The following ADAMTSL1 variants were observed in gnomAD, a reference collection of about 807,000 sequenced individuals.
ADAMTSL1 encodes ADAMTS like 1.
A neutral mutation model predicts 201.8 loss-of-function variants in ADAMTSL1; 126 were observed. The observed-to-expected ratio is 0.62, with a 90% CI of 0.54 to 0.72. The LOEUF (loss-of-function observed/expected upper bound fraction) is 0.72. Ranked by LOEUF, ADAMTSL1 falls within the 30% of genes least tolerant of loss-of-function variation. The pLI is 0.00. For synonymous variants in ADAMTSL1, 1,121 were observed against 903.4 expected (o/e 1.24, Z -4.32); for missense variants, 2,679 against 2,277.8 (o/e 1.18, Z -3.59).
intron 23 of ADAMTSL1, among the ~76,000 whole-genome samples, chr9:18,882,145 T>A (rs918556457): frequency 1.3e-5 from 2 of 152,218 alleles, no homozygotes; most frequent in African/African-American, 2.4e-5. Context: ...CACTCCTTTT[T>A]CTGCCTAAAT....
At position 18,574,057 on chromosome 9, in the gene ADAMTSL1, C is replaced by T. The variant is rs1822531304; in HGVS notation, c.265C>T (p.Arg89Ter). The change falls in exon 4 of 29, where the codon CGA (arginine) becomes TGA (stop). Residue 89 changes from arginine (R) to a stop codon, truncating the protein, a stop_gained. Transcript: ENST00000380548. LOFTEE classifies it high-confidence loss of function. The stretch of plus-strand genomic sequence containing the variant: ...CTGCCCACCAGAAGCAGGTGATTTC[C>T]GAGCTCAGCAATGCTCAGCTCATAA... ...VDCPPEAGDF[R>*]AQQCSAHNDV... 5 of 1,613,720 alleles carry T rather than the reference C, an allele frequency of 3.1e-6. No individual in the cohort carries two copies. The highest frequency in any genetic ancestry group is 4.2e-6 in the Non-Finnish European group (5 of 1,179,728).
intron 1 of ADAMTSL1, among the ~76,000 whole-genome samples, chr9:18,003,704 A>G (rs80145088): frequency 0.015 from 2,353 of 152,176 alleles, 56 homozygotes; most frequent in African/African-American, 0.053. Context: ...GCTGTAGCAG[A>G]CAAAGGTACT....
chr9:18,892,333 CT>C, intron 25 of ADAMTSL1, 55 bp from the exon 26 acceptor site: 1 of 1,544,376 alleles, frequency 6.5e-7, no homozygotes. Context: ...GAGGAGGTCT[CT>C]TTTCCCCAGG....
At chr9:18,274,401 C>T (rs1042256850) in intron 2 of ADAMTSL1, among the ~76,000 whole-genome samples, 1 of 152,020 alleles carries the variant, frequency 6.6e-6, no homozygotes, top group Non-Finnish European at 1.5e-5. Flanking sequence ...ATATTTCTTT[C>T]CCCCAAATAA....
At chr9:18,890,710 T>C (rs1829196881) in intron 25 of ADAMTSL1, 1 of 383,152 alleles carries the variant, frequency 2.6e-6, no homozygotes, top group Non-Finnish European at 5.3e-6. Flanking sequence ...CCTGGCCCGC[T>C]CCTTTCTCAA....
intron 20 of ADAMTSL1, among the ~76,000 whole-genome samples, chr9:18,813,748 C>T (rs1823657815): frequency 6.6e-6 from 1 of 152,056 alleles, no homozygotes; most frequent in South Asian, 2.1e-4. Flanking sequence ...GAGATCATGC[C>T]ATCTGCAAAC....
At chr9:18,488,691 G>A (rs1293540457) in intron 1 of ADAMTSL1, among the ~76,000 whole-genome samples, 3 of 152,154 alleles carry the variant, frequency 2.0e-5, no homozygotes, top group East Asian at 1.9e-4. Context: ...ACAGGTAGCA[G>A]GTGCCCAATA....
intron 2 of ADAMTSL1, among the ~76,000 whole-genome samples, chr9:18,507,283 T>C (rs1222804795): frequency 1.3e-5 from 2 of 152,194 alleles, no homozygotes; most frequent in Non-Finnish European, 1.5e-5. Context: ...ATATTACCTC[T>C]GCGCCCTAAT....
intron 23 of ADAMTSL1, among the ~76,000 whole-genome samples, chr9:18,844,629 C>G (rs1825966794): frequency 6.6e-6 from 1 of 152,248 alleles, no homozygotes; most frequent in Non-Finnish European, 1.5e-5. Context: ...TGTCTGTGCC[C>G]TGTCCCCAGA....
At chr9:18,381,028 T>A (rs1837536051) in intron 2 of ADAMTSL1, among the ~76,000 whole-genome samples, 1 of 152,182 alleles carries the variant, frequency 6.6e-6, no homozygotes, top group Admixed American at 6.5e-5. Context: ...GCTAGAATAT[T>A]TGAGTATTTA....
chr9:17,928,611 A>G (rs1349786688), intron 1 of ADAMTSL1, among the ~76,000 whole-genome samples: 1 of 152,100 alleles, frequency 6.6e-6, no homozygotes, highest in Non-Finnish European at 1.5e-5. Flanking sequence ...AGCATGACAA[A>G]AAGAAATTAT....
chr9:18,811,083 G>T (rs2131148413), intron 20 of ADAMTSL1, among the ~76,000 whole-genome samples: 1 of 145,420 alleles, frequency 6.9e-6, no homozygotes, highest in East Asian at 2.1e-4. Context: ...GACTAGGAAA[G>T]GGGAAGCATA....
chr9:18,836,384 G>T (rs973836691), intron 23 of ADAMTSL1, among the ~76,000 whole-genome samples: 5 of 152,212 alleles, frequency 3.3e-5, no homozygotes, highest in African/African-American at 1.2e-4. Context: ...TAGGTTGTCT[G>T]TTTACTCTGT....
intron 2 of ADAMTSL1, among the ~76,000 whole-genome samples, chr9:18,409,435 C>CAA (rs1197892613): frequency 6.7e-6 from 1 of 148,528 alleles, no homozygotes; most frequent in Non-Finnish European, 1.5e-5. Flanking sequence ...AACTGACATC[C>CAA]AAAGAAATGA....
chr9:18,775,858 C>A lies in ADAMTSL1; in HGVS notation c.2513C>A (p.Ser838Tyr). 6.2e-7 allele frequency: 1 copy of A among 1,603,336 alleles called. No homozygotes were observed. The highest frequency in any genetic ancestry group is 1.1e-5 in the South Asian group (1 of 88,742). The change falls in exon 18 of 29, where the codon TCT becomes TAT. Residue 838 changes from serine to tyrosine, a missense_variant. By Grantham distance (144) the Ser-to-Tyr change is moderately radical. Coordinates refer to ENST00000380548, the MANE Select transcript of ADAMTSL1 (RefSeq NM_001040272.6). Reference sequence around the variant, plus strand: ...ACCCTGTGCCCGCCCCTGCCTTTCTCTTCCTCCATCAGGCCCTGTATGCTG... The same window carrying A: ...ACCCTGTGCCCGCCCCTGCCTTTCTATTCCTCCATCAGGCCCTGTATGCTG... ...NSTLCPPLPFSSSIRPCMLAT... is the reference protein window; with the variant it reads ...NSTLCPPLPFYSSIRPCMLAT...
intron 4 of ADAMTSL1, among the ~76,000 whole-genome samples, chr9:18,582,086 C>T (rs1245432181): frequency 1.3e-5 from 2 of 152,206 alleles, no homozygotes; most frequent in African/African-American, 2.4e-5. Context: ...TTCTGAATAA[C>T]TGCATCTCTA....
intron 4 of ADAMTSL1, among the ~76,000 whole-genome samples, chr9:18,589,572 C>A (rs895932606): frequency 2.6e-5 from 4 of 151,880 alleles, no homozygotes; most frequent in Non-Finnish European, 4.4e-5. Flanking sequence ...TAATTTTTTT[C>A]TTTTGACTAA....
chr9:18,330,877 T>C (rs1025230481), intron 2 of ADAMTSL1, among the ~76,000 whole-genome samples: 2 of 152,222 alleles, frequency 1.3e-5, no homozygotes, highest in African/African-American at 4.8e-5. Flanking sequence ...TGAGCACCAG[T>C]TACATGCCAG....
At chr9:18,020,279 T>C (rs778632635) in intron 1 of ADAMTSL1, among the ~76,000 whole-genome samples, 2 of 152,084 alleles carry the variant, frequency 1.3e-5, no homozygotes, top group Non-Finnish European at 2.9e-5. Flanking sequence ...GTGAACAGGA[T>C]TTAGCGATTC....
Sources: allele counts gnomAD v4.1 joint callset (sites outside exome capture counted in the v4.1 genomes callset), GRCh38; gene constraint gnomAD v4.1.1; transcripts MANE v1.5; gene names NCBI Gene and HGNC (gene_info 2026-07-23, HGNC 2026-07-21).